PRKCQ: variants seen among roughly 807,000 people sequenced by gnomAD.
PRKCQ encodes the protein protein kinase C theta.
In PRKCQ, 41 loss-of-function variants were observed where a neutral mutation model predicts 91.2. The ratio of observed to expected loss-of-function variants is 0.45; its 90% CI spans 0.35 to 0.58. The LOEUF is 0.58. Among genes scored for constraint, PRKCQ ranks in the 20% least tolerant of loss-of-function variants. The pLI, the probability that PRKCQ is intolerant of heterozygous loss-of-function variation, is 0.00. For missense variants in PRKCQ, 673 were observed against 896.5 expected (o/e 0.75, Z 3.18); for synonymous variants, 307 against 316.9 (o/e 0.97, Z 0.33).
At chr10:6,475,203 T>C (rs1472604836) in intron 12 of PRKCQ, among the ~76,000 whole-genome samples, 1 of 152,210 alleles carries the variant, frequency 6.6e-6, no homozygotes, top group Non-Finnish European at 1.5e-5. Context: ...TGAATTATCC[T>C]GTACATCTAT....
rs1365235459 is a variant in PRKCQ at position 6,491,795 on chromosome 10, G to A, written c.678C>T (p.Phe226=). The A allele has an allele frequency of 6.2e-7, 1 of 1,614,150 alleles. No individual in the cohort carries two copies. The change falls in exon 8 of 18, where the codon TTC becomes TTT. Residue 226 remains phenylalanine (F), a synonymous_variant. Coordinates refer to ENST00000263125, the MANE Select transcript of PRKCQ (RefSeq NM_006257.5). ...SRETMFHKER[F]KIDMPHRFKV... The stretch of plus-strand genomic sequence containing the variant: ...TAAATCTGTGTGGCATGTCAATTTT[G>A]AATCTCTCCTTGTGGAACTGAAAGA...
In PRKCQ at chr10:6,510,979, C is replaced by T. The variant is rs964222608; in HGVS notation, c.318+16G>A. ...CATGCTTATCCCTTATGTGCATACA[C>T]TTTATGCAACGTTACCCATATTTCT... is the stretch of plus-strand genomic sequence containing the variant. On this transcript the variant is annotated intron_variant, in intron 3 of 17. Coordinates refer to ENST00000263125, the MANE Select transcript of PRKCQ (RefSeq NM_006257.5). The T allele has an allele frequency of 6.2e-7, 1 of 1,613,330 alleles. No homozygotes were observed. Among genetic ancestry groups the T allele is most frequent in the Admixed American group, 1.7e-5 (1 of 60,022 alleles).
At chr10:6,570,095 G>GA (rs1300014865) in intron 1 of PRKCQ, among the ~76,000 whole-genome samples, 3 of 152,288 alleles carry the variant, frequency 2.0e-5, no homozygotes, top group East Asian at 3.9e-4. Flanking sequence ...GGGAGACACA[G>GA]AGGGACAATG....
chr10:6,549,450 T>C (rs887584617), intron 1 of PRKCQ, among the ~76,000 whole-genome samples: 1 of 152,108 alleles, frequency 6.6e-6, no homozygotes, highest in Non-Finnish European at 1.5e-5. Flanking sequence ...ATTTTTATGA[T>C]AACTGGAGTG....
At chr10:6,489,498 C>T (rs1260620027) in intron 8 of PRKCQ, 5 of 524,070 alleles carry the variant, frequency 9.5e-6, no homozygotes, top group Non-Finnish European at 2.0e-5. Flanking sequence ...GGGTAAAAGG[C>T]TAAGGAGGCC....
At chr10:6,490,178 T>C (rs1019447020) in intron 8 of PRKCQ, among the ~76,000 whole-genome samples, 5 of 152,152 alleles carry the variant, frequency 3.3e-5, no homozygotes, top group African/African-American at 1.2e-4. Context: ...GTTGGCCTCC[T>C]GTGATGTCTG....
the PRKCQ span, among the ~76,000 whole-genome samples, chr10:6,396,463 A>G: frequency 2.1e-4 from 32 of 152,380 alleles, no homozygotes; most frequent in Middle Eastern, 3.4e-3. Flanking sequence ...AGCCCTAGGC[A>G]AACACTAATT....
At chr10:6,538,038 G>T (rs1390794747) in intron 1 of PRKCQ, among the ~76,000 whole-genome samples, 1 of 152,240 alleles carries the variant, frequency 6.6e-6, no homozygotes, top group Non-Finnish European at 1.5e-5. Flanking sequence ...TTGCTCTCTT[G>T]GGGCTTACTG....
the PRKCQ span, among the ~76,000 whole-genome samples, chr10:6,394,912 G>A: frequency 6.6e-6 from 1 of 152,138 alleles, no homozygotes; most frequent in Non-Finnish European, 1.5e-5. Flanking sequence ...CCTTGTGCCG[G>A]AACGGTGCGA....
chr10:6,580,249 G>A lies in PRKCQ; in HGVS notation c.-48C>T, dbSNP rs1374644024. The A allele has an allele frequency of 1.1e-5, 1 of 90,494 alleles. No individual in the cohort carries two copies. The highest frequency in any genetic ancestry group is 5.2e-5 in the African/African-American group (1 of 19,284). The allele number at this position is 90,494 out of a possible 1,614,324, so 5.6% of individuals were successfully genotyped here. On this transcript the variant is annotated 5_prime_UTR_variant, in exon 1 of 18. Transcript: ENST00000263125. ...GGCGCCGCTGCTGCCCGGTGGCGCT[G>A]GGACTGCGCGGGGACTGCGCGGGGA... is the stretch of plus-strand genomic sequence containing the variant.
chr10:6,419,157 C>G, the PRKCQ span, among the ~76,000 whole-genome samples: 1 of 152,076 alleles, frequency 6.6e-6, no homozygotes, highest in South Asian at 2.1e-4. Flanking sequence ...CTATATCTAT[C>G]TTATCCATTA....
intron 16 of PRKCQ, among the ~76,000 whole-genome samples, chr10:6,433,784 A>T (rs921334922): frequency 6.6e-6 from 1 of 152,130 alleles, no homozygotes; most frequent in African/African-American, 2.4e-5. Context: ...TAATCCCGTC[A>T]CTTTGGGAGG....
intron 15 of PRKCQ, among the ~76,000 whole-genome samples, chr10:6,452,130 T>C (rs2132294041): frequency 1.3e-5 from 2 of 152,254 alleles, no homozygotes. Flanking sequence ...AAAGAGGAAG[T>C]CAAATTGTCC....
chr10:6,522,385 G>A (rs1435838014), intron 1 of PRKCQ, among the ~76,000 whole-genome samples: 1 of 152,102 alleles, frequency 6.6e-6, no homozygotes, highest in Non-Finnish European at 1.5e-5. Context: ...TAGGTCACAC[G>A]CTATTATGTA....
chr10:6,395,114 G>C, the PRKCQ span, among the ~76,000 whole-genome samples: 1,009 of 144,516 alleles, frequency 7.0e-3, 14 homozygotes, highest in Non-Finnish European at 9.8e-3. Flanking sequence ...CCAGGCTGGA[G>C]TGCAGTGGCT....
chr10:6,537,479 G>A (rs909725575), intron 1 of PRKCQ, among the ~76,000 whole-genome samples: 8 of 152,168 alleles, frequency 5.3e-5, no homozygotes, highest in East Asian at 1.9e-4. Context: ...CCAGCCCTGC[G>A]GGAACGGGAA....
intron 1 of PRKCQ, among the ~76,000 whole-genome samples, chr10:6,563,218 A>G (rs1292440222): frequency 1.3e-5 from 2 of 152,018 alleles, no homozygotes. Flanking sequence ...TAAGTCTCAC[A>G]GTTCCAAGAG....
At chr10:6,470,293 C>G (rs961924278) in intron 12 of PRKCQ, among the ~76,000 whole-genome samples, 6 of 152,164 alleles carry the variant, frequency 3.9e-5, no homozygotes, top group East Asian at 1.9e-4. Flanking sequence ...ACCTTTCCCC[C>G]CTGCTCTTCC....
chr10:6,420,263 A>G, the PRKCQ span, among the ~76,000 whole-genome samples: 1 of 152,200 alleles, frequency 6.6e-6, no homozygotes, highest in Non-Finnish European at 1.5e-5. Flanking sequence ...CTTTTAATAC[A>G]CTTAAACACA....
Sources: allele counts gnomAD v4.1 joint callset (sites outside exome capture counted in the v4.1 genomes callset), GRCh38; gene constraint gnomAD v4.1.1; transcripts MANE v1.5; gene names NCBI Gene and HGNC (gene_info 2026-07-23, HGNC 2026-07-21).